CNTN5: variants seen among roughly 807,000 people sequenced by gnomAD.
CNTN5 encodes the protein contactin 5.
CNTN5 carries 77 observed loss-of-function variants against 129.1 expected under a neutral mutation model. That is an observed-to-expected ratio of 0.60 (90% confidence interval 0.50 to 0.72). CNTN5 has a LOEUF of 0.72. CNTN5 is among the 30% of genes least tolerant of loss of function. The pLI is 0.00. For synonymous variants in CNTN5, 509 were observed against 465.6 expected (o/e 1.09, Z -1.20); for missense variants, 1,478 against 1,328.8 (o/e 1.11, Z -1.75).
At chr11:99,929,295 C>T (rs1338303055) in intron 7 of CNTN5, among the ~76,000 whole-genome samples, 1 of 152,158 alleles carries the variant, frequency 6.6e-6, no homozygotes, top group African/African-American at 2.4e-5. Context: ...ACATTCCAAA[C>T]ATTCCTACAT....
intron 10 of CNTN5, among the ~76,000 whole-genome samples, chr11:100,069,441 A>T (rs540453977): frequency 6.6e-6 from 1 of 152,198 alleles, no homozygotes; most frequent in African/African-American, 2.4e-5. Flanking sequence ...AAGCATGAGC[A>T]CCGTCCCAGG....
At position 99,167,977 on chromosome 11, in the gene CNTN5, C is replaced by G. The variant is rs545819207; in HGVS notation, c.-210+146707C>G. Among the ~76,000 whole-genome samples the G allele has an allele frequency of 1.3e-4, 19 of 151,646 alleles. 1 individual carries two copies. The highest frequency in any genetic ancestry group is 9.8e-4 in the Admixed American group (15 of 15,246). ...TGGAGATAGCATGTCAATCTGTTCC[C>G]CAGGCTGGAGTGCAGTGATGTGATC... On this transcript the variant is annotated intron_variant, in intron 1 of 24. Coordinates refer to ENST00000524871, the MANE Select transcript of CNTN5 (RefSeq NM_014361.4).
chr11:99,404,090 C>T (rs34201713), intron 2 of CNTN5, among the ~76,000 whole-genome samples: 113,328 of 151,916 alleles, frequency 0.75, 43,120 homozygotes, highest in African/African-American at 0.9. Flanking sequence ...TGAATTGATC[C>T]CTTAATCATT....
chr11:100,157,062 C>A (rs1162635357), intron 13 of CNTN5, among the ~76,000 whole-genome samples: 1 of 151,958 alleles, frequency 6.6e-6, no homozygotes, highest in Admixed American at 6.6e-5. Flanking sequence ...TCTTGCTTCT[C>A]TTGTTCTTTT....
intron 8 of CNTN5, among the ~76,000 whole-genome samples, chr11:99,971,985 C>A (rs1288419864): frequency 6.7e-6 from 1 of 149,178 alleles, no homozygotes; most frequent in Non-Finnish European, 1.5e-5. Flanking sequence ...AGCGGTGGCT[C>A]ACGCCTGTAA....
At chr11:99,507,299 C>A (rs1591182173) in intron 2 of CNTN5, among the ~76,000 whole-genome samples, 1 of 150,814 alleles carries the variant, frequency 6.6e-6, no homozygotes, top group South Asian at 2.1e-4. Context: ...ATCGCTTGAA[C>A]CCGGGAGGCA....
chr11:99,321,347 A>ATT (rs1414659597), intron 1 of CNTN5, among the ~76,000 whole-genome samples: 1 of 149,258 alleles, frequency 6.7e-6, no homozygotes, highest in Non-Finnish European at 1.5e-5. Context: ...ATTTATATAC[A>ATT]TTATATATAT....
intron 2 of CNTN5, among the ~76,000 whole-genome samples, chr11:99,340,861 A>G (rs1866480148): frequency 6.6e-6 from 1 of 152,236 alleles, no homozygotes; most frequent in East Asian, 1.9e-4. Context: ...ACCACAAAAT[A>G]TAATTCCATT....
At chr11:100,111,716 G>T (rs1029773229) in intron 13 of CNTN5, among the ~76,000 whole-genome samples, 1 of 152,100 alleles carries the variant, frequency 6.6e-6, no homozygotes, top group African/African-American at 2.4e-5. Context: ...GACTATAGGT[G>T]CAGTATTGTA....
intron 3 of CNTN5, among the ~76,000 whole-genome samples, chr11:99,721,173 T>C (rs1349370987): frequency 6.6e-6 from 1 of 151,984 alleles, no homozygotes; most frequent in African/African-American, 2.4e-5. Context: ...AGAGCCCGAG[T>C]AGCCAACGCC....
intron 13 of CNTN5, among the ~76,000 whole-genome samples, chr11:100,109,382 C>A (rs949043020): frequency 1.3e-5 from 2 of 152,160 alleles, no homozygotes; most frequent in Non-Finnish European, 2.9e-5. Flanking sequence ...GCCAAGATTG[C>A]GCCGCTGTCC....
At chr11:99,169,687 T>A (rs903163633) in intron 1 of CNTN5, among the ~76,000 whole-genome samples, 5 of 151,960 alleles carry the variant, frequency 3.3e-5, no homozygotes, top group Non-Finnish European at 1.5e-5. Flanking sequence ...GAAAGAAAAT[T>A]TCAAAAAGAG....
At chr11:99,559,984 A>G (rs1408110828) in intron 3 of CNTN5, among the ~76,000 whole-genome samples, 1 of 152,192 alleles carries the variant, frequency 6.6e-6, no homozygotes, top group Non-Finnish European at 1.5e-5. Flanking sequence ...TTTTCTTTAT[A>G]TAACAACTGG....
chr11:100,197,429 G>C (rs1333732988), intron 15 of CNTN5, among the ~76,000 whole-genome samples: 1 of 151,960 alleles, frequency 6.6e-6, no homozygotes, highest in Non-Finnish European at 1.5e-5. Flanking sequence ...GTGTAGACCT[G>C]TTAAGTAGAG....
chr11:99,940,009 A>G (rs1950399813), intron 7 of CNTN5, among the ~76,000 whole-genome samples: 1 of 152,192 alleles, frequency 6.6e-6, no homozygotes, highest in African/African-American at 2.4e-5. Flanking sequence ...TTAGTTCTCA[A>G]CCAGGAATGA....
rs917257264 is a variant in CNTN5, at chr11:99,385,397, A to G, written c.-71+59913A>G. On this transcript the variant is annotated intron_variant, in intron 2 of 24. Transcript: ENST00000524871. ...TTTGGACTTGAACTGGATTGAAATC[A>G]CCAATCCAGCTTGGATTAGTGATTT... Among the ~76,000 whole-genome samples, 3 of 152,072 alleles carry G rather than the reference A, an allele frequency of 2.0e-5. No homozygotes were observed. The East Asian group carries it at 5.8e-4, about 29-fold the overall frequency.
intron 2 of CNTN5, among the ~76,000 whole-genome samples, chr11:99,355,382 C>A (rs544740069): frequency 6.6e-6 from 1 of 151,818 alleles, no homozygotes; most frequent in Non-Finnish European, 1.5e-5. Flanking sequence ...TAAAATGGAC[C>A]CTGTGCTCTA....
At chr11:99,563,265 G>A (rs1325444786) in intron 3 of CNTN5, among the ~76,000 whole-genome samples, 1 of 152,138 alleles carries the variant, frequency 6.6e-6, no homozygotes, top group African/African-American at 2.4e-5. Flanking sequence ...AGAAACCCCA[G>A]CGTTACGGCA....
chr11:100,108,689 A>G (rs59854662), intron 13 of CNTN5, among the ~76,000 whole-genome samples: 5,842 of 152,076 alleles, frequency 0.038, 366 homozygotes, highest in African/African-American at 0.13. Flanking sequence ...TTATAATATC[A>G]TGTATTATTC....
Sources: allele counts gnomAD v4.1 joint callset (sites outside exome capture counted in the v4.1 genomes callset), GRCh38; gene constraint gnomAD v4.1.1; transcripts MANE v1.5; gene names NCBI Gene and HGNC (gene_info 2026-07-23, HGNC 2026-07-21).